WDPCP: variants seen among roughly 807,000 people sequenced by gnomAD.
WDPCP encodes WD repeat containing planar cell polarity effector, also known as WD repeat-containing and planar cell polarity effector protein fritz homolog.
WDPCP carries 71 observed loss-of-function variants against 93.1 expected under a neutral mutation model. The observed-to-expected ratio is 0.76, with a 90% CI of 0.63 to 0.93. The LOEUF (loss-of-function observed/expected upper bound fraction) is 0.93. Ranked by LOEUF, WDPCP falls within the 40% of genes least tolerant of loss-of-function variation. The pLI, the probability that WDPCP is intolerant of heterozygous loss-of-function variation, is 0.00. For synonymous variants in WDPCP, 315 were observed against 315.0 expected (o/e 1.00, Z 0.00); for missense variants, 844 against 887.4 (o/e 0.95, Z 0.62).
chr2:63,627,860 G>A (rs1013505240), intron 3 of WDPCP, among the ~76,000 whole-genome samples: 2 of 152,226 alleles, frequency 1.3e-5, no homozygotes, highest in Admixed American at 1.3e-4. Context: ...GTCTGCAGAT[G>A]CTAAAGGCTG....
rs1205979200 is a variant in WDPCP, at chr2:63,486,102, C to T, written c.253+440G>A. ...TGTCATTAAAACCGTATTACATTGT[C>T]GCCATAATATATACAACATACTTAT... On this transcript the variant is annotated intron_variant, in intron 4 of 17. Coordinates refer to ENST00000272321, the MANE Select transcript of WDPCP (RefSeq NM_015910.7). 3.3e-5 allele frequency among the ~76,000 whole-genome samples: 5 copies of T among 151,520 alleles called. No homozygotes were observed. The East Asian group carries it at 9.6e-4, about 29-fold the overall frequency.
At chr2:63,287,340 T>A (rs541811616) in intron 13 of WDPCP, among the ~76,000 whole-genome samples, 9 of 151,946 alleles carry the variant, frequency 5.9e-5, no homozygotes, top group Non-Finnish European at 8.8e-5. Flanking sequence ...AACATACTCA[T>A]ATCAACTTAT....
At chr2:63,598,331 G>GA (rs1239563087) in intron 3 of WDPCP, 1 of 152,120 alleles carries the variant, frequency 6.6e-6, no homozygotes, top group Non-Finnish European at 1.5e-5. Context: ...ATTTCACCAT[G>GA]TTGGCCAGGC....
At chr2:63,609,337 G>C (rs1362569099) in intron 3 of WDPCP, among the ~76,000 whole-genome samples, 1 of 151,896 alleles carries the variant, frequency 6.6e-6, no homozygotes, top group African/African-American at 2.4e-5. Flanking sequence ...CTCCAGCCTG[G>C]GTGACAGCAA....
At chr2:63,318,178 T>A (rs556359078) in intron 12 of WDPCP, among the ~76,000 whole-genome samples, 2 of 152,180 alleles carry the variant, frequency 1.3e-5, no homozygotes, top group Non-Finnish European at 1.5e-5. Flanking sequence ...TCAGCATCAC[T>A]AATCGTTAGA....
rs556458468 is a variant in WDPCP at position 63,574,444 on chromosome 2, C to T, written c.75+13753G>A. Among the ~76,000 whole-genome samples the T allele has an allele frequency of 1.1e-4, 17 of 152,260 alleles. No individual in the cohort carries two copies. In the South Asian group the frequency reaches 3.3e-3, roughly 30 times the overall value. On this transcript the variant is annotated intron_variant, in intron 1 of 17. Coordinates refer to ENST00000272321, the MANE Select transcript of WDPCP (RefSeq NM_015910.7). Reference sequence around the variant, plus strand: ...TGAAATAAGATTAGATTTAGAAAATCCCTATTTTCTTCTACTTTCTGAATC... The same window carrying T: ...TGAAATAAGATTAGATTTAGAAAATTCCTATTTTCTTCTACTTTCTGAATC...
chr2:63,228,914 G>A (rs1309315664), intron 14 of WDPCP: 1 of 152,126 alleles, frequency 6.6e-6, no homozygotes, highest in East Asian at 1.9e-4. Flanking sequence ...TGTCTTTATA[G>A]CAGCATGATT....
At chr2:63,365,246 G>T (rs941383915) in intron 12 of WDPCP, among the ~76,000 whole-genome samples, 1 of 152,108 alleles carries the variant, frequency 6.6e-6, no homozygotes, top group Non-Finnish European at 1.5e-5. Context: ...ACCTAGCAAG[G>T]TCTCTTCAGC....
At chr2:63,578,954 G>A (rs977815500) in intron 1 of WDPCP, among the ~76,000 whole-genome samples, 4 of 152,116 alleles carry the variant, frequency 2.6e-5, no homozygotes, top group Non-Finnish European at 2.9e-5. Context: ...CTTTCCCTGG[G>A]TTCCCCTGAG....
chr2:63,575,297 G>A (rs1048858009), intron 1 of WDPCP, among the ~76,000 whole-genome samples: 11 of 144,538 alleles, frequency 7.6e-5, no homozygotes, highest in African/African-American at 2.5e-4. Context: ...TATATAGTAT[G>A]TATATATATA....
rs112028983 is a variant in WDPCP at position 63,655,329 on chromosome 2, T to C, written n.309-4491A>G. ...CCAGCCATCTGGTTTACTTTTCCAG[T>C]GGAAAGCCTATTACCAGTGTCTTCT... is the stretch of plus-strand genomic sequence containing the variant. On this transcript the variant is annotated intron_variant and non_coding_transcript_variant, in intron 2 of 4. Coordinates refer to the WDPCP transcript ENST00000467687. 9.3e-3 allele frequency among the ~76,000 whole-genome samples: 1,423 copies of C among 152,218 alleles called. 22 individuals carry two copies. Among genetic ancestry groups the C allele is most frequent in the African/African-American group, 0.031 (1,307 of 41,542 alleles).
At chr2:63,295,880 C>CAAAAAA (rs59418675) in intron 13 of WDPCP, among the ~76,000 whole-genome samples, 3 of 115,222 alleles carry the variant, frequency 2.6e-5, no homozygotes, top group Non-Finnish European at 3.5e-5. Context: ...GAAACTATTC[C>CAAAAAA]AAAAAAAAAA....
intron 12 of WDPCP, among the ~76,000 whole-genome samples, chr2:63,319,367 T>C (rs1686914460): frequency 6.6e-6 from 1 of 152,122 alleles, no homozygotes. Context: ...CTTAATAAAA[T>C]AGGCTCAAAA....
At position 63,121,935 on chromosome 2, in the gene WDPCP, G is replaced by A; in HGVS notation, c.*71C>T. ...GTCTCTTGTTAAAAATCCACACGGGGGATTTTAAGTCTGTATCAGGCCATG... is the reference window on the plus strand; with the variant it reads ...GTCTCTTGTTAAAAATCCACACGGGAGATTTTAAGTCTGTATCAGGCCATG... On this transcript the variant is annotated 3_prime_UTR_variant, in exon 18 of 18. Transcript: ENST00000272321. 1.9e-6 allele frequency: 3 copies of A among 1,597,702 alleles called. No individual in the cohort carries two copies. Among genetic ancestry groups the A allele is most frequent in the South Asian group, 1.2e-5 (1 of 85,884 alleles).
At chr2:63,248,484 G>A (rs1680462857) in intron 14 of WDPCP, among the ~76,000 whole-genome samples, 1 of 152,068 alleles carries the variant, frequency 6.6e-6, no homozygotes, top group South Asian at 2.1e-4. Flanking sequence ...ATTTGGGAGG[G>A]TTTTGGTCAT....
chr2:63,581,921 T>C (rs985232143), intron 1 of WDPCP, among the ~76,000 whole-genome samples: 9 of 151,690 alleles, frequency 5.9e-5, no homozygotes, highest in African/African-American at 1.5e-4. Flanking sequence ...GGATGGAGGA[T>C]TGCTTGAGCC....
At chr2:63,787,334 C>T (rs914153470) in intron 2 of WDPCP, among the ~76,000 whole-genome samples, 1 of 151,776 alleles carries the variant, frequency 6.6e-6, no homozygotes, top group African/African-American at 2.4e-5. Flanking sequence ...AACCAGATTC[C>T]TACACCATAA....
In WDPCP at chr2:63,535,185, C is replaced by G. The variant is rs536030513; in HGVS notation, c.76-42245G>C. Among the ~76,000 whole-genome samples the G allele has an allele frequency of 4.3e-4, 66 of 152,262 alleles. No individual in the cohort carries two copies. The Middle Eastern group carries it at 0.02, about 47-fold the overall frequency. ...TGAAGGACCTCTTCAAGGAGAACTA[C>G]AAACCACTGCTCAATGAAATAAAAG... is the stretch of plus-strand genomic sequence containing the variant. On this transcript the variant is annotated intron_variant, in intron 1 of 17. Coordinates refer to ENST00000272321, the MANE Select transcript of WDPCP (RefSeq NM_015910.7).
chr2:63,494,601 G>A (rs1701104233), intron 1 of WDPCP, among the ~76,000 whole-genome samples: 2 of 152,090 alleles, frequency 1.3e-5, no homozygotes, highest in Admixed American at 1.3e-4. Context: ...GTGGGAGGGA[G>A]TATATACAGA....
Sources: allele counts gnomAD v4.1 joint callset (sites outside exome capture counted in the v4.1 genomes callset), GRCh38; gene constraint gnomAD v4.1.1; transcripts MANE v1.5; gene names NCBI Gene and HGNC (gene_info 2026-07-23, HGNC 2026-07-21).